RBFOX1: variants seen among roughly 807,000 people sequenced by gnomAD.
The protein encoded by RBFOX1 is RNA binding protein fox-1 homolog 1.
Under a neutral mutation model 57.7 loss-of-function variants are expected in RBFOX1, and 8 were observed. That is an observed-to-expected ratio of 0.14 (90% CI 0.08 to 0.25). The LOEUF is 0.25. RBFOX1 is among the 10% of genes least tolerant of loss of function. RBFOX1 has a pLI of 1.00. For missense variants in RBFOX1, 611 were observed against 548.5 expected (o/e 1.11, Z -1.14); for synonymous variants, 326 against 222.4 (o/e 1.47, Z -4.15).
chr16:6,965,346 T>C (rs1000962697), intron 3 of RBFOX1, among the ~76,000 whole-genome samples: 1 of 65,662 alleles, frequency 1.5e-5, no homozygotes, highest in African/African-American at 4.9e-5. Flanking sequence ...TGTGTGTGTG[T>C]GTGTGTGTGT....
intron 3 of RBFOX1, among the ~76,000 whole-genome samples, chr16:6,744,774 T>C (rs929512439): frequency 6.6e-6 from 1 of 152,054 alleles, no homozygotes; most frequent in Non-Finnish European, 1.5e-5. Context: ...CTTTATCTTC[T>C]GCCTTAGAAA....
chr16:5,766,315 G>A (rs2053776339), intron 3 of RBFOX1, among the ~76,000 whole-genome samples: 1 of 152,070 alleles, frequency 6.6e-6, no homozygotes, highest in East Asian at 1.9e-4. Context: ...GGCTGGGCAC[G>A]GTGGCTCACG....
In RBFOX1 at chr16:7,060,299, C is replaced by A. The variant is rs146488856; in HGVS notation, c.27+8201C>A. Reference sequence around the variant, plus strand: ...CAGGCAGTGGGCCATAGTTAGCCAACCCCTGCTGGTGACTGAAATGTTAGT... The same window carrying A: ...CAGGCAGTGGGCCATAGTTAGCCAAACCCTGCTGGTGACTGAAATGTTAGT... On this transcript the variant is annotated intron_variant, in intron 4 of 15. Transcript: ENST00000550418. 8.1e-4 allele frequency among the ~76,000 whole-genome samples: 123 copies of A among 152,244 alleles called. 1 individual carries two copies. In the Middle Eastern group the frequency reaches 0.01, roughly 13 times the overall value.
chr16:7,506,538 T>G (rs2073357215), intron 4 of RBFOX1, among the ~76,000 whole-genome samples: 1 of 152,198 alleles, frequency 6.6e-6, no homozygotes, highest in Non-Finnish European at 1.5e-5. Context: ...TTTTCCTCGT[T>G]ACCAGACATC....
chr16:6,721,243 G>A (rs1420396359), intron 3 of RBFOX1, among the ~76,000 whole-genome samples: 1 of 152,160 alleles, frequency 6.6e-6, no homozygotes, highest in African/African-American at 2.4e-5. Context: ...AGGATTTTGA[G>A]ACCAGTCTGG....
chr16:5,697,632 C>T (rs1002388293), intron 3 of RBFOX1, among the ~76,000 whole-genome samples: 1 of 148,790 alleles, frequency 6.7e-6, no homozygotes, highest in East Asian at 2.0e-4. Context: ...TTCCCAGGTT[C>T]AAGCGATTCT....
At chr16:6,266,972 A>G (rs1395897941) in intron 1 of RBFOX1, among the ~76,000 whole-genome samples, 1 of 152,192 alleles carries the variant, frequency 6.6e-6, no homozygotes, top group Non-Finnish European at 1.5e-5. Context: ...TGTGACTGAA[A>G]GCAAATGGAG....
At chr16:5,367,974 A>G (rs962000863) in intron 1 of RBFOX1, among the ~76,000 whole-genome samples, 8 of 152,176 alleles carry the variant, frequency 5.3e-5, no homozygotes, top group African/African-American at 9.7e-5. Flanking sequence ...CCTTATTCCA[A>G]TGAGACGTTA....
At chr16:6,725,451 A>G (rs1335142718) in intron 3 of RBFOX1, among the ~76,000 whole-genome samples, 1 of 151,846 alleles carries the variant, frequency 6.6e-6, no homozygotes, top group Non-Finnish European at 1.5e-5. Flanking sequence ...ACAATCCCCA[A>G]CCTACCGTGA....
At chr16:7,260,056 T>C (rs1432412363) in intron 4 of RBFOX1, among the ~76,000 whole-genome samples, 2 of 152,346 alleles carry the variant, frequency 1.3e-5, no homozygotes, top group East Asian at 3.9e-4. Flanking sequence ...GAACAGAGAC[T>C]GTCTATTCAC....
intron 3 of RBFOX1, among the ~76,000 whole-genome samples, chr16:6,673,402 A>G (rs563656137): frequency 7.2e-5 from 11 of 152,234 alleles, no homozygotes; most frequent in African/African-American, 2.4e-4. Context: ...AGCCTGGTCA[A>G]CATGGCAAAA....
chr16:6,143,576 C>T (rs563428154), intron 1 of RBFOX1, among the ~76,000 whole-genome samples: 1 of 152,186 alleles, frequency 6.6e-6, no homozygotes, highest in Non-Finnish European at 1.5e-5. Flanking sequence ...TTACCATAAG[C>T]ATCCAAGTGA....
intron 3 of RBFOX1, among the ~76,000 whole-genome samples, chr16:6,782,609 A>T (rs2081219794): frequency 6.6e-6 from 1 of 151,834 alleles, no homozygotes; most frequent in Non-Finnish European, 1.5e-5. Flanking sequence ...TATGATTTGG[A>T]TTTTTCTGAA....
rs74004768 is a variant in RBFOX1 at position 6,115,476 on chromosome 16, A to T, written c.-127+95484A>T. Among the ~76,000 whole-genome samples, 337 of 152,288 alleles carry T rather than the reference A, an allele frequency of 2.2e-3. 6 individuals carry two copies. The highest frequency in any genetic ancestry group is 7.2e-3 in the African/African-American group (301 of 41,560). On this transcript the variant is annotated intron_variant, in intron 1 of 15. Coordinates refer to ENST00000550418, the MANE Select transcript of RBFOX1 (RefSeq NM_018723.4). ...TCTTAACAGAGTAGCCCTTTAATAG[A>T]TTTGTGCATATTGGCTGGCCCAAGG...
intron 3 of RBFOX1, among the ~76,000 whole-genome samples, chr16:7,019,615 T>C (rs746691453): frequency 1.4e-5 from 2 of 147,812 alleles, no homozygotes; most frequent in Non-Finnish European, 2.9e-5. Context: ...ATTTTACAGT[T>C]AGAATGATGT....
At chr16:7,351,023 C>A (rs1446074916) in intron 4 of RBFOX1, among the ~76,000 whole-genome samples, 1 of 152,194 alleles carries the variant, frequency 6.6e-6, no homozygotes, top group African/African-American at 2.4e-5. Context: ...GTGCCATGTG[C>A]CCATGGACTA....
chr16:6,182,355 C>G (rs74006917), intron 1 of RBFOX1, among the ~76,000 whole-genome samples: 3,388 of 152,244 alleles, frequency 0.022, 143 homozygotes, highest in African/African-American at 0.078. Context: ...ATAATACGAC[C>G]TACCACAGCC....
chr16:6,511,546 A>G lies in RBFOX1; in HGVS notation c.-63-143057A>G, dbSNP rs1047037300. 6.6e-5 allele frequency among the ~76,000 whole-genome samples: 10 copies of G among 152,212 alleles called. No homozygotes were observed. In the East Asian group the frequency reaches 1.9e-3, roughly 29 times the overall value. On this transcript the variant is annotated intron_variant, in intron 2 of 15. Transcript: ENST00000550418. ...GAGCCCATGGAAACTACCAACTGGC[A>G]TTGCTGAGAATAATTATTGTCAAAT...
intron 4 of RBFOX1, among the ~76,000 whole-genome samples, chr16:7,181,998 C>G (rs903542871): frequency 3.3e-5 from 5 of 152,156 alleles, no homozygotes; most frequent in African/African-American, 1.2e-4. Context: ...AACAAGCATA[C>G]CACTGATTCC....
Sources: gnomAD v4.1 joint callset for allele counts (sites outside exome capture counted in the v4.1 genomes callset) on GRCh38, gnomAD v4.1.1 for gene constraint, MANE v1.5 for transcripts, NCBI Gene and HGNC (gene_info 2026-07-23, HGNC 2026-07-21) for gene names.